The following MAD1L1 variants were observed in gnomAD, a reference collection of about 807,000 sequenced individuals.
MAD1L1 encodes the protein mitotic spindle assembly checkpoint protein MAD1.
MAD1L1 carries 95 observed loss-of-function variants against 96.9 expected under a neutral mutation model. That is an observed-to-expected ratio of 0.98 (90% CI 0.83 to 1.16). The LOEUF is 1.16. Ranked by LOEUF, MAD1L1 falls within the 50% of genes most tolerant of loss-of-function variation. The pLI is 0.00. For synonymous variants in MAD1L1, 473 were observed against 396.6 expected, an observed-to-expected ratio of 1.19 and a Z score of -2.29; for missense variants, 1,007 against 954.4, an observed-to-expected ratio of 1.06 and a Z score of -0.73.
chr7:2,044,818 G>C (rs571199170), intron 12 of MAD1L1, among the ~76,000 whole-genome samples: 54 of 152,182 alleles, frequency 3.5e-4, no homozygotes, highest in Non-Finnish European at 1.2e-4. Context: ...GTATGGCGTA[G>C]TCCCCCGGGG....
intron 11 of MAD1L1, among the ~76,000 whole-genome samples, chr7:2,073,252 T>C (rs549912076): frequency 1.8e-4 from 28 of 152,262 alleles, no homozygotes; most frequent in African/African-American, 6.5e-4. Flanking sequence ...GAGATAATAA[T>C]GCAAAAATAG....
rs142177900 is a variant in MAD1L1 at position 2,081,383 on chromosome 7, G to T, written c.1074-12045C>A. 6.8e-4 allele frequency among the ~76,000 whole-genome samples: 104 copies of T among 152,326 alleles called. 2 individuals are homozygous for T. The South Asian group carries it at 0.02, about 30-fold the overall frequency. On this transcript the variant is annotated intron_variant, in intron 11 of 18. Coordinates refer to ENST00000265854, the MANE Select transcript of MAD1L1 (RefSeq NM_001013836.2). ...AAGGAACGAAAATCACAGCATCCACGTATCAGTCCCACTCCACCAACACTT... is the reference window on the plus strand; with the variant it reads ...AAGGAACGAAAATCACAGCATCCACTTATCAGTCCCACTCCACCAACACTT...
At chr7:1,821,098 G>A (rs1312941351) in intron 18 of MAD1L1, among the ~76,000 whole-genome samples, 2 of 148,886 alleles carry the variant, frequency 1.3e-5, no homozygotes, top group African/African-American at 4.9e-5. Context: ...AAAAAAGGGG[G>A]GGGGGAGAGT....
rs1485376466 is a variant in MAD1L1 at position 2,066,424 on chromosome 7, C to T, written c.1218+2770G>A. Among the ~76,000 whole-genome samples, 8 of 152,370 alleles carry T rather than the reference C, an allele frequency of 5.3e-5. 1 individual carries two copies. Among genetic ancestry groups the T allele is most frequent in the East Asian group, 3.9e-4 (2 of 5,186 alleles). ...CCTGCATCCCTGGCCTGGGGCTACA[C>T]GGGCGACTGGGATCAATCCTTCGTC... On this transcript the variant is annotated intron_variant, in intron 12 of 18. Coordinates refer to ENST00000265854, the MANE Select transcript of MAD1L1 (RefSeq NM_001013836.2).
intron 12 of MAD1L1, among the ~76,000 whole-genome samples, chr7:2,034,976 A>C (rs963923377): frequency 6.6e-5 from 10 of 152,260 alleles, no homozygotes; most frequent in African/African-American, 1.9e-4. Flanking sequence ...CCGCAGACCC[A>C]AACCTGAGGC....
intron 14 of MAD1L1, among the ~76,000 whole-genome samples, chr7:1,994,669 G>C (rs1475381902): frequency 3.3e-5 from 5 of 152,204 alleles, no homozygotes; most frequent in South Asian, 2.1e-4. Flanking sequence ...GGGGGGATTA[G>C]CACCCTCATA....
chr7:2,133,727 G>T (rs1788623421), intron 11 of MAD1L1, among the ~76,000 whole-genome samples: 1 of 152,230 alleles, frequency 6.6e-6, no homozygotes, highest in Non-Finnish European at 1.5e-5. Flanking sequence ...TTTGAGGAAG[G>T]TGTAAGGTCT....
intron 17 of MAD1L1, among the ~76,000 whole-genome samples, chr7:1,929,797 T>C (rs1280012700): frequency 4.5e-5 from 4 of 88,792 alleles, no homozygotes; most frequent in Admixed American, 2.3e-4. Flanking sequence ...CCACGTCCCC[T>C]CGCCCCGTCC....
intron 11 of MAD1L1, among the ~76,000 whole-genome samples, chr7:2,083,506 G>T (rs1028059406): frequency 6.6e-6 from 1 of 152,262 alleles, no homozygotes; most frequent in African/African-American, 2.4e-5. Context: ...TCGAGGCACG[G>T]CGCTCAGCAC....
chr7:1,829,823 G>C (rs1782618060), intron 18 of MAD1L1, among the ~76,000 whole-genome samples: 1 of 151,846 alleles, frequency 6.6e-6, no homozygotes, highest in African/African-American at 2.4e-5. Flanking sequence ...CTTAAAAGCA[G>C]TCAGAGGAAG....
At chr7:2,183,792 A>C (rs1791320183) in intron 10 of MAD1L1, among the ~76,000 whole-genome samples, 1 of 152,104 alleles carries the variant, frequency 6.6e-6, no homozygotes, top group Non-Finnish European at 1.5e-5. Flanking sequence ...TAGGAGATAT[A>C]CCTAATGCTA....
intron 12 of MAD1L1, among the ~76,000 whole-genome samples, chr7:2,043,569 A>G (rs901629739): frequency 6.6e-6 from 1 of 152,232 alleles, no homozygotes; most frequent in Non-Finnish European, 1.5e-5. Context: ...TACCGTGCCT[A>G]CAAGGACGCT....
At chr7:2,115,714 G>A (rs1269446252) in intron 11 of MAD1L1, among the ~76,000 whole-genome samples, 1 of 152,274 alleles carries the variant, frequency 6.6e-6, no homozygotes, top group Non-Finnish European at 1.5e-5. Context: ...ATCCAGGGAA[G>A]CCACGGCCCT....
chr7:1,868,059 T>A (rs1241075231), intron 18 of MAD1L1, among the ~76,000 whole-genome samples: 4 of 152,110 alleles, frequency 2.6e-5, no homozygotes, highest in Non-Finnish European at 5.9e-5. Flanking sequence ...ATTCCCCTAC[T>A]GACCTCTGTA....
chr7:2,205,744 A>G (rs993329438), intron 10 of MAD1L1, among the ~76,000 whole-genome samples: 2 of 152,196 alleles, frequency 1.3e-5, no homozygotes, highest in African/African-American at 4.8e-5. Flanking sequence ...CTGTTGGGCG[A>G]TTACAGTCTT....
chr7:2,107,247 C>T (rs1436140915), intron 11 of MAD1L1, among the ~76,000 whole-genome samples: 1 of 152,160 alleles, frequency 6.6e-6, no homozygotes, highest in Non-Finnish European at 1.5e-5. Context: ...GTCTCGCTGC[C>T]GGAGCATCCG....
At chr7:2,064,269 G>C (rs1044996314) in intron 12 of MAD1L1, among the ~76,000 whole-genome samples, 1 of 152,148 alleles carries the variant, frequency 6.6e-6, no homozygotes, top group Non-Finnish European at 1.5e-5. Context: ...CCACCAGAAA[G>C]GGCATGGGAG....
intron 17 of MAD1L1, among the ~76,000 whole-genome samples, chr7:1,928,510 T>TC (rs1160474607): frequency 6.6e-6 from 1 of 152,140 alleles, no homozygotes; most frequent in East Asian, 1.9e-4. Flanking sequence ...GACCTGCAGG[T>TC]CCCTAGATGG....
chr7:2,195,547 CG>C (rs1336821880), intron 10 of MAD1L1, among the ~76,000 whole-genome samples: 3 of 152,200 alleles, frequency 2.0e-5, no homozygotes, highest in African/African-American at 4.8e-5. Flanking sequence ...AAAAATTACA[CG>C]GGGTGGAAGC....
Sources: allele counts gnomAD v4.1 joint callset (sites outside exome capture counted in the v4.1 genomes callset), GRCh38; gene constraint gnomAD v4.1.1; transcripts MANE v1.5; gene names NCBI Gene and HGNC (gene_info 2026-07-23, HGNC 2026-07-21).